The following GABRG1 variants were observed in gnomAD, a reference collection of about 807,000 sequenced individuals.
The protein encoded by GABRG1 is gamma-aminobutyric acid receptor subunit gamma-1.
In GABRG1, 49 loss-of-function variants were observed where a neutral mutation model predicts 49.8. The observed-to-expected ratio is 0.98, with a 90% CI of 0.78 to 1.25. GABRG1 has a LOEUF of 1.25. GABRG1 is among the 50% of genes most tolerant of loss of function. The pLI, the probability that GABRG1 is intolerant of heterozygous loss-of-function variation, is 0.00. For synonymous variants in GABRG1, 232 were observed against 185.1 expected (o/e 1.25, Z -2.06); for missense variants, 552 against 552.3 (o/e 1.00, Z 0.01).
chr4:46,064,611 TC>T (rs1329069612), intron 4 of GABRG1, 88 bp from the exon 5 acceptor site: 6 of 612,640 alleles, frequency 9.8e-6, no homozygotes, highest in African/African-American at 9.8e-5. Flanking sequence ...CAAGATTTTG[TC>T]ATATGATAAT....
chr4:46,076,367 A>T (rs1183371551), intron 3 of GABRG1, among the ~76,000 whole-genome samples: 1 of 117,644 alleles, frequency 8.5e-6, no homozygotes, highest in Non-Finnish European at 1.8e-5. Context: ...ATGTTCATAT[A>T]TATATATATA....
chr4:46,071,345 C>T (rs1017226088), intron 3 of GABRG1, among the ~76,000 whole-genome samples: 14 of 150,484 alleles, frequency 9.3e-5, no homozygotes, highest in Non-Finnish European at 1.5e-5. Flanking sequence ...TATATATATA[C>T]ATAACACATA....
At chr4:46,043,630 GACC>G (rs1349906933) in intron 8 of GABRG1, among the ~76,000 whole-genome samples, 1 of 151,668 alleles carries the variant, frequency 6.6e-6, no homozygotes, top group Non-Finnish European at 1.5e-5. Flanking sequence ...CTCAAGAATA[GACC>G]CTGCCTTCCC....
intron 2 of GABRG1, among the ~76,000 whole-genome samples, chr4:46,091,878 A>G (rs1401521788): frequency 2.6e-5 from 4 of 152,066 alleles, no homozygotes; most frequent in Admixed American, 2.6e-4. Flanking sequence ...AGGGACACTA[A>G]AATAAAATGG....
chr4:46,058,661 T>C (rs766515295), intron 5 of GABRG1, 39 bp from the exon 6 acceptor site: 3 of 1,523,764 alleles, frequency 2.0e-6, no homozygotes, highest in Non-Finnish European at 2.7e-6. Context: ...AGATCCAAAT[T>C]TGATACCATT....
At chr4:46,117,503 C>A (rs1253449377) in intron 1 of GABRG1, among the ~76,000 whole-genome samples, 1 of 148,434 alleles carries the variant, frequency 6.7e-6, no homozygotes, top group African/African-American at 2.5e-5. Flanking sequence ...AAAATTCTAC[C>A]AAACTGTGAG....
chr4:46,075,871 A>G (rs1719306898), intron 3 of GABRG1, among the ~76,000 whole-genome samples: 1 of 152,042 alleles, frequency 6.6e-6, no homozygotes, highest in African/African-American at 2.4e-5. Context: ...ATAAATACAA[A>G]TATTTCCATT....
chr4:46,044,103 T>C (rs1170166375), intron 8 of GABRG1, among the ~76,000 whole-genome samples: 1 of 152,076 alleles, frequency 6.6e-6, no homozygotes, highest in Non-Finnish European at 1.5e-5. Flanking sequence ...CTAAGCACTG[T>C]TTACCACTCC....
At chr4:46,110,250 C>T (rs920447555) in intron 1 of GABRG1, among the ~76,000 whole-genome samples, 1 of 150,988 alleles carries the variant, frequency 6.6e-6, no homozygotes, top group African/African-American at 2.4e-5. Context: ...GAATTGCACC[C>T]TTTATAATTA....
chr4:46,052,143 T>G (rs1718248689), intron 7 of GABRG1, among the ~76,000 whole-genome samples: 1 of 151,666 alleles, frequency 6.6e-6, no homozygotes, highest in African/African-American at 2.4e-5. Flanking sequence ...TAGATAATAT[T>G]GGAAATTAAA....
intron 1 of GABRG1, among the ~76,000 whole-genome samples, chr4:46,101,974 G>A (rs1035792690): frequency 2.0e-5 from 3 of 151,510 alleles, no homozygotes; most frequent in African/African-American, 7.3e-5. Context: ...ATTTATTTTT[G>A]CATGTTAATA....
chr4:46,120,217 T>C (rs1721054536), intron 1 of GABRG1, among the ~76,000 whole-genome samples: 2 of 151,772 alleles, frequency 1.3e-5, no homozygotes, highest in Admixed American at 1.3e-4. Flanking sequence ...CTTCCTTTTC[T>C]TTCATGGAAG....
chr4:46,104,390 A>C (rs1038588452), intron 1 of GABRG1, among the ~76,000 whole-genome samples: 2 of 151,560 alleles, frequency 1.3e-5, no homozygotes, highest in East Asian at 3.9e-4. Flanking sequence ...ATAAATGTTA[A>C]GATGAATTTA....
At chr4:46,075,221 A>T (rs552909656) in intron 3 of GABRG1, among the ~76,000 whole-genome samples, 1 of 152,120 alleles carries the variant, frequency 6.6e-6, no homozygotes, top group East Asian at 1.9e-4. Context: ...AATCCCTACT[A>T]AATTTATAGG....
chr4:46,075,558 C>T (rs1417796426), intron 3 of GABRG1, among the ~76,000 whole-genome samples: 4 of 151,968 alleles, frequency 2.6e-5, no homozygotes, highest in Non-Finnish European at 4.4e-5. Context: ...ATCCCCTGGC[C>T]TGAGAACTTG....
chr4:46,070,051 G>A (rs1159577401), intron 3 of GABRG1, among the ~76,000 whole-genome samples: 1 of 151,874 alleles, frequency 6.6e-6, no homozygotes. Flanking sequence ...CATATATAAT[G>A]AAAAAGTAGA....
intron 1 of GABRG1, among the ~76,000 whole-genome samples, chr4:46,113,089 A>G (rs189279077): frequency 1.3e-5 from 2 of 151,300 alleles, no homozygotes; most frequent in East Asian, 3.9e-4. Context: ...TAATCATTGA[A>G]GCCTGTCTGA....
intron 2 of GABRG1, among the ~76,000 whole-genome samples, chr4:46,094,120 A>G (rs1038204601): frequency 6.6e-6 from 1 of 152,076 alleles, no homozygotes; most frequent in East Asian, 1.9e-4. Context: ...CTAAAGCAGT[A>G]CATGAGAAAA....
chr4:46,063,523 T>C (rs1325155982), intron 5 of GABRG1, among the ~76,000 whole-genome samples: 5 of 152,272 alleles, frequency 3.3e-5, no homozygotes, highest in Non-Finnish European at 2.9e-5. Context: ...TTATACCTTA[T>C]ACAAAAATTA....
Sources: gnomAD v4.1 joint callset for allele counts (sites outside exome capture counted in the v4.1 genomes callset) on GRCh38, gnomAD v4.1.1 for gene constraint, MANE v1.5 for transcripts, NCBI Gene and HGNC (gene_info 2026-07-23, HGNC 2026-07-21) for gene names.